CACNA1C: variants seen among roughly 807,000 people sequenced by gnomAD.
CACNA1C encodes calcium voltage-gated channel subunit alpha1 C.
A neutral mutation model predicts 229.0 loss-of-function variants in CACNA1C; 30 were observed. The observed-to-expected ratio is 0.13, with a 90% CI of 0.10 to 0.18. CACNA1C has a LOEUF of 0.18. Among genes scored for constraint, CACNA1C ranks in the 10% least tolerant of loss-of-function variants. CACNA1C has a pLI of 1.00. For synonymous variants in CACNA1C, 1,114 were observed against 1,132.5 expected, an observed-to-expected ratio of 0.98 and a Z score of 0.33; for missense variants, 1,658 against 2,845.0, an observed-to-expected ratio of 0.58 and a Z score of 9.49.
intron 3 of CACNA1C, among the ~76,000 whole-genome samples, chr12:2,226,131 A>G (rs879403411): frequency 0.058 from 1,828 of 31,536 alleles, 19 homozygotes; most frequent in African/African-American, 0.074. Flanking sequence ...ACGCGCACAC[A>G]CACACACACA....
At position 2,649,399 on chromosome 12, in the gene CACNA1C, T is replaced by A. The variant is rs1406417786; in HGVS notation, c.3945+892T>A. 6.6e-6 allele frequency among the ~76,000 whole-genome samples: 1 copy of A among 152,152 alleles called. No homozygotes were observed. Among genetic ancestry groups the A allele is most frequent in the Non-Finnish European group, 1.5e-5 (1 of 68,028 alleles). On this transcript the variant is annotated intron_variant, in intron 31 of 46. Transcript: ENST00000399655. This position sits in a 1 kb window ranked among gnomAD's most constrained non-coding sequence, Gnocchi z 4.4. ...GGCAAGCTTGGGTGGGTTGATGTGT[T>A]CCCCAGTGCAGCCTGGCGCTGCCTG...
chr12:2,333,290 A>G (rs1052775379), intron 3 of CACNA1C, among the ~76,000 whole-genome samples: 3 of 152,166 alleles, frequency 2.0e-5, no homozygotes, highest in African/African-American at 7.2e-5. Context: ...CTGGAATTCC[A>G]GGTGAGATTG....
intron 3 of CACNA1C, among the ~76,000 whole-genome samples, chr12:2,406,356 C>T (rs1338746528): frequency 6.6e-6 from 1 of 152,026 alleles, no homozygotes; most frequent in African/African-American, 2.4e-5. Flanking sequence ...CCCCATCCTC[C>T]TCTTTCTCTC....
chr12:2,401,271 G>A (rs550218530), intron 3 of CACNA1C, among the ~76,000 whole-genome samples: 43 of 152,356 alleles, frequency 2.8e-4, no homozygotes, highest in Non-Finnish European at 3.8e-4. Flanking sequence ...GCCAGGCTGC[G>A]CACAGAGGAG....
At chr12:2,388,660 G>T (rs1025996540) in intron 3 of CACNA1C, among the ~76,000 whole-genome samples, 20 of 152,134 alleles carry the variant, frequency 1.3e-4, no homozygotes, top group Non-Finnish European at 2.6e-4. Flanking sequence ...TGTGGAGTTG[G>T]CAGTGTCTGT....
intron 13 of CACNA1C, among the ~76,000 whole-genome samples, chr12:2,573,299 G>A (rs1178905423): frequency 6.6e-6 from 1 of 152,116 alleles, no homozygotes; most frequent in African/African-American, 2.4e-5. Context: ...CCTCTCACTT[G>A]GCTGACCACC....
chr12:2,541,158 A>G (rs2099869154), intron 9 of CACNA1C, among the ~76,000 whole-genome samples: 1 of 151,764 alleles, frequency 6.6e-6, no homozygotes, highest in Admixed American at 6.6e-5. Flanking sequence ...CTCTTTCAAG[A>G]CTCTGTCTCC....
intron 7 of CACNA1C, among the ~76,000 whole-genome samples, chr12:2,501,010 T>C (rs1188175702): frequency 1.3e-5 from 2 of 149,426 alleles, no homozygotes; most frequent in Non-Finnish European, 3.0e-5. Flanking sequence ...ATCGAGACCA[T>C]CCTGGCTAAC....
intron 3 of CACNA1C, among the ~76,000 whole-genome samples, chr12:2,154,455 C>T (rs1418766774): frequency 6.6e-6 from 1 of 152,242 alleles, no homozygotes; most frequent in Non-Finnish European, 1.5e-5. Flanking sequence ...CTGTGTCCAG[C>T]AGCCTGGCGC....
At chr12:2,560,848 T>TAAAAAAAAAAAAAAAAAAAA (rs36012443) in intron 11 of CACNA1C, among the ~76,000 whole-genome samples, 2 of 113,094 alleles carry the variant, frequency 1.8e-5, no homozygotes, top group African/African-American at 6.9e-5. Context: ...TTGGTTCTGG[T>TAAAAAAAAAAAAAAAAAAAA]AAAAAAAAAA....
chr12:2,019,936 T>C (rs538146539), intron 1 of CACNA1C: 4 of 152,334 alleles, frequency 2.6e-5, no homozygotes, highest in South Asian at 4.1e-4. Context: ...CATTGCACCA[T>C]GAATATGGAG....
At chr12:2,241,170 C>A (rs754194668) in intron 3 of CACNA1C, among the ~76,000 whole-genome samples, 1 of 152,090 alleles carries the variant, frequency 6.6e-6, no homozygotes, top group African/African-American at 2.4e-5. Context: ...CATCCTCCCA[C>A]GCATGGAGAA....
At chr12:2,055,651 G>A (rs536906544) in intron 1 of CACNA1C, among the ~76,000 whole-genome samples, 2 of 152,292 alleles carry the variant, frequency 1.3e-5, no homozygotes, top group East Asian at 1.9e-4. Flanking sequence ...GGGAGCCAGC[G>A]GCTGAGAGCT....
chr12:2,237,924 C>T (rs1214448567), intron 3 of CACNA1C, among the ~76,000 whole-genome samples: 1 of 152,178 alleles, frequency 6.6e-6, no homozygotes, highest in Non-Finnish European at 1.5e-5. Context: ...TATTTACGTA[C>T]CCAAAACATT....
intron 5 of CACNA1C, among the ~76,000 whole-genome samples, chr12:2,463,920 G>C (rs2099532854): frequency 6.6e-6 from 1 of 152,226 alleles, no homozygotes; most frequent in Admixed American, 6.5e-5. Context: ...AAGCCATATG[G>C]AGGAATCAAC....
chr12:1,977,871 T>C (rs749112741), intron 1 of CACNA1C, among the ~76,000 whole-genome samples: 1 of 152,214 alleles, frequency 6.6e-6, no homozygotes, highest in African/African-American at 2.4e-5. Context: ...CTTTGGAGCT[T>C]TGGAAGACAA....
Position 2,448,961 on chromosome 12 carries a change from A to G in CACNA1C, c.478-15A>G. 1.9e-6 allele frequency: 3 copies of G among 1,598,234 alleles called. No individual in the cohort carries two copies. The highest frequency in any genetic ancestry group is 2.6e-6 in the Non-Finnish European group (3 of 1,170,096). On this transcript the variant is annotated splice_polypyrimidine_tract_variant and intron_variant, in intron 3 of 46. Transcript: ENST00000399655. ...AATGACTTATTTTTCTCTCTTTTCT[A>G]TTTCTGTTTCCTAGGAACGAGTGGA...
chr12:2,640,858 C>T (rs1052408196), intron 30 of CACNA1C, among the ~76,000 whole-genome samples: 1 of 152,216 alleles, frequency 6.6e-6, no homozygotes, highest in Non-Finnish European at 1.5e-5. Flanking sequence ...GCAGTCAGTC[C>T]TGAGTCATAG....
intron 34 of CACNA1C, among the ~76,000 whole-genome samples, chr12:2,663,010 A>G (rs552983346): frequency 6.6e-6 from 1 of 152,260 alleles, no homozygotes; most frequent in Non-Finnish European, 1.5e-5. Flanking sequence ...TATTGCGGAA[A>G]AACAAAACTT....
Sources: allele counts gnomAD v4.1 joint callset (sites outside exome capture counted in the v4.1 genomes callset), GRCh38; gene constraint gnomAD v4.1.1; non-coding constraint Gnocchi (gnomAD v3.1); transcripts MANE v1.5; gene names NCBI Gene and HGNC (gene_info 2026-07-23, HGNC 2026-07-21).